Variants in EGLN1 observed in about 807,000 individuals in gnomAD.
EGLN1 encodes egl nine homolog 1.
A neutral mutation model predicts 38.3 loss-of-function variants in EGLN1; 17 were observed. The observed-to-expected ratio is 0.44, with a 90% CI of 0.30 to 0.67. The LOEUF is 0.67. Among genes scored for constraint, EGLN1 ranks in the 30% least tolerant of loss-of-function variants. EGLN1 has a pLI of 0.08. For missense variants in EGLN1, 477 were observed against 603.3 expected (o/e 0.79, Z 2.19); for synonymous variants, 283 against 257.5 (o/e 1.10, Z -0.95).
intron 1 of EGLN1, among the ~76,000 whole-genome samples, chr1:231,402,571 A>AT (rs1238427778): frequency 2.0e-5 from 3 of 151,796 alleles, no homozygotes; most frequent in Non-Finnish European, 4.4e-5. Context: ...AGTAGCTGGG[A>AT]TTACAGGTGC....
At chr1:231,382,989 T>C (rs2486738) in intron 1 of EGLN1, among the ~76,000 whole-genome samples, 81,140 of 141,666 alleles carry the variant, frequency 0.57, 23,781 homozygotes, top group Middle Eastern at 0.67. Flanking sequence ...ACCTGGGAGG[T>C]GGAGGGTGCA....
chr1:231,380,952 C>A (rs1450506828), intron 1 of EGLN1, among the ~76,000 whole-genome samples: 1 of 152,114 alleles, frequency 6.6e-6, no homozygotes, highest in Non-Finnish European at 1.5e-5. Context: ...CAGGGTCTCA[C>A]TCTGTCACCC....
chr1:231,376,657 C>CA (rs1189516445), intron 1 of EGLN1, among the ~76,000 whole-genome samples: 1 of 151,928 alleles, frequency 6.6e-6, no homozygotes, highest in Admixed American at 6.6e-5. Flanking sequence ...TCTGGTCTAA[C>CA]AGCATAATTA....
intron 1 of EGLN1, among the ~76,000 whole-genome samples, chr1:231,378,416 A>G (rs1688007025): frequency 6.6e-6 from 1 of 152,038 alleles, no homozygotes. Context: ...ACAAAACAAT[A>G]CTATTTTTTT....
At chr1:231,385,806 G>A (rs1688190619) in intron 1 of EGLN1, among the ~76,000 whole-genome samples, 1 of 152,090 alleles carries the variant, frequency 6.6e-6, no homozygotes, top group South Asian at 2.1e-4. Context: ...ATGTAAATCA[G>A]GCTCTTAAGA....
chr1:231,366,539 G>A, intron 4 of EGLN1, 64 bp from the exon 5 acceptor site: 1 of 1,446,146 alleles, frequency 6.9e-7, no homozygotes, highest in Non-Finnish European at 9.7e-7. Flanking sequence ...TTCTGCTACT[G>A]CATTCCACTG....
intron 1 of EGLN1, among the ~76,000 whole-genome samples, chr1:231,410,534 T>A (rs1420231380): frequency 6.6e-6 from 1 of 152,182 alleles, no homozygotes; most frequent in African/African-American, 2.4e-5. Context: ...ATAACAAATG[T>A]GTGTTGTTTT....
At chr1:231,402,168 C>A (rs2739517) in intron 1 of EGLN1, among the ~76,000 whole-genome samples, 82,641 of 151,758 alleles carry the variant, frequency 0.54, 24,126 homozygotes, top group Non-Finnish European at 0.65. Context: ...TGTTTCTCTT[C>A]TTCTTATTAA....
At chr1:231,386,924 G>A (rs1158771665) in intron 1 of EGLN1, among the ~76,000 whole-genome samples, 1 of 152,078 alleles carries the variant, frequency 6.6e-6, no homozygotes, top group Non-Finnish European at 1.5e-5. Context: ...CAGTGGCTTG[G>A]ATCATAGCTC....
At chr1:231,416,821 C>A (rs1208151145) in intron 1 of EGLN1, among the ~76,000 whole-genome samples, 2 of 152,182 alleles carry the variant, frequency 1.3e-5, no homozygotes, top group African/African-American at 4.8e-5. Context: ...TCCCTTATAG[C>A]TGACAGAATT....
intron 1 of EGLN1, among the ~76,000 whole-genome samples, chr1:231,375,065 T>C (rs1016763927): frequency 1.3e-5 from 2 of 152,150 alleles, no homozygotes; most frequent in South Asian, 4.1e-4. Flanking sequence ...TATTCTTGTT[T>C]TTGTTTGTTT....
At chr1:231,409,272 C>T (rs1390391125) in intron 1 of EGLN1, among the ~76,000 whole-genome samples, 1 of 151,414 alleles carries the variant, frequency 6.6e-6, no homozygotes, top group Non-Finnish European at 1.5e-5. Context: ...AAAAACCTCT[C>T]CTGGCCTGCA....
intron 1 of EGLN1, among the ~76,000 whole-genome samples, chr1:231,397,772 G>C (rs375497129): frequency 6.6e-6 from 1 of 152,172 alleles, no homozygotes; most frequent in African/African-American, 2.4e-5. Flanking sequence ...GGCACATAAG[G>C]AAAGTGTCCA....
chr1:231,411,842 C>A (rs1018686775), intron 1 of EGLN1, among the ~76,000 whole-genome samples: 1 of 150,930 alleles, frequency 6.6e-6, no homozygotes, highest in African/African-American at 2.4e-5. Context: ...ACTAAACATA[C>A]AAAAAAATTA....
intron 1 of EGLN1, among the ~76,000 whole-genome samples, chr1:231,376,496 C>A (rs896373273): frequency 6.6e-6 from 1 of 152,140 alleles, no homozygotes; most frequent in Non-Finnish European, 1.5e-5. Context: ...TGTTGTTAAT[C>A]TCTTACTTTA....
Position 231,391,092 on chromosome 1 carries a change from T to TTTGTGTGTG in EGLN1, c.892-16994_892-16993insCACACACAA, listed in dbSNP as rs1553353098. 2.8e-4 allele frequency among the ~76,000 whole-genome samples: 19 copies of TTTGTGTGTG among 67,364 alleles called. 1 individual carries two copies. The highest frequency in any genetic ancestry group is 8.5e-4 in the African/African-American group (18 of 21,060). The allele number at this position is 67,364 out of a possible 152,430, so 44.2% of individuals were successfully genotyped here. ...ACAGGGAACTCATTCTGTTTTTTTT[T>TTTGTGTGTG]TGTGTGTGTGTGTGTGTGTGTGTGT... On this transcript the variant is annotated intron_variant, in intron 1 of 4. Transcript: ENST00000366641.
chr1:231,418,775 T>C (rs1286390285), intron 1 of EGLN1, among the ~76,000 whole-genome samples: 5 of 151,280 alleles, frequency 3.3e-5, no homozygotes, highest in Non-Finnish European at 5.9e-5. Flanking sequence ...GATGGCAGGA[T>C]AGCTTGAGTC....
intron 1 of EGLN1, among the ~76,000 whole-genome samples, chr1:231,379,008 C>T (rs953248313): frequency 6.6e-6 from 1 of 152,042 alleles, no homozygotes; most frequent in Non-Finnish European, 1.5e-5. Flanking sequence ...TTACAGCAAA[C>T]CTTAGGTAGG....
At chr1:231,391,088 T>TGTGTGTGTGTGTGTGTGTGTG (rs1558387104) in intron 1 of EGLN1, among the ~76,000 whole-genome samples, 1 of 34,692 alleles carries the variant, frequency 2.9e-5, no homozygotes, top group African/African-American at 7.2e-5. Context: ...ATTCTGTTTT[T>TGTGTGTGTGTGTGTGTGTGTG]TTTTTGTGTG....
Sources: gnomAD v4.1 joint callset for allele counts (sites outside exome capture counted in the v4.1 genomes callset) on GRCh38, gnomAD v4.1.1 for gene constraint, MANE v1.5 for transcripts, NCBI Gene and HGNC (gene_info 2026-07-23, HGNC 2026-07-21) for gene names.